The following DACH2 variants were observed in gnomAD, a reference collection of about 807,000 sequenced individuals.
DACH2 encodes dachshund family transcription factor 2, also known as dachshund homolog 2.
A neutral mutation model predicts 35.8 loss-of-function variants in DACH2; 17 were observed. The ratio of observed to expected loss-of-function variants is 0.48; its 90% confidence interval spans 0.33 to 0.71. DACH2 has a LOEUF of 0.71. Ranked by LOEUF, DACH2 falls within the 30% of genes least tolerant of loss-of-function variation. The pLI is 0.02. For missense variants in DACH2, 469 were observed against 472.7 expected (o/e 0.99, Z 0.07); for synonymous variants, 195 against 177.3 (o/e 1.10, Z -0.79).
intron 7 of DACH2, among the ~76,000 whole-genome samples, chrX:86,791,129 T>G (rs753872742): frequency 1.8e-5 from 2 of 111,351 alleles, no homozygotes; most frequent in South Asian, 7.7e-4. Flanking sequence ...AGAGGACTGG[T>G]TAGTCTTGTT....
intron 1 of DACH2, among the ~76,000 whole-genome samples, chrX:86,300,872 TA>T (rs1333905048): frequency 8.9e-6 from 1 of 111,999 alleles, no homozygotes. Context: ...TCCTTTGATT[TA>T]AAAATTATTA....
Position 86,148,889 on chromosome X carries a change from GC to G in DACH2, c.271del (p.Leu91CysfsTer23). ...SFLMDGQELI[C>X]LPQVFDLFLK... ...CTGATGGACGGCCAGGAACTGATCT[GC>G]CTGCCGCAAGTCTTTGATCTTTTTC... On this transcript the variant is annotated frameshift_variant, in exon 1 of 12. Transcript: ENST00000373125. LOFTEE classifies it high-confidence loss of function. 8.3e-7 allele frequency: 1 copy of G among 1,211,260 alleles called. No individual in the cohort carries two copies. Among genetic ancestry groups the G allele is most frequent in the Non-Finnish European group, 1.1e-6 (1 of 895,473 alleles).
chrX:86,639,845 G>T (rs1339830127), intron 3 of DACH2, among the ~76,000 whole-genome samples: 1 of 111,295 alleles, frequency 9.0e-6, no homozygotes, highest in Admixed American at 9.5e-5. Context: ...CCAAAACATG[G>T]TCAGACTGCT....
chrX:86,255,054 C>T (rs1489526138), intron 1 of DACH2, among the ~76,000 whole-genome samples: 3 of 108,666 alleles, frequency 2.8e-5, no homozygotes, highest in Admixed American at 1.0e-4. Flanking sequence ...GGAAAGATTG[C>T]TCTATCACAG....
chrX:86,808,510 G>T (rs5923646), intron 7 of DACH2, among the ~76,000 whole-genome samples: 36,174 of 109,757 alleles, frequency 0.33, 4,841 homozygotes, highest in Middle Eastern at 0.42. Flanking sequence ...AGTCATTGAA[G>T]CTATGTACAC....
intron 2 of DACH2, among the ~76,000 whole-genome samples, chrX:86,443,393 CATTT>C (rs1446831616): frequency 9.0e-6 from 1 of 111,325 alleles, no homozygotes; most frequent in Non-Finnish European, 1.9e-5. Context: ...TTGCTGAAAT[CATTT>C]ATTAGTTTGA....
At chrX:86,532,136 T>C (rs1036566469) in intron 3 of DACH2, among the ~76,000 whole-genome samples, 2 of 112,451 alleles carry the variant, frequency 1.8e-5, no homozygotes, top group African/African-American at 6.5e-5. Context: ...AACTATATTG[T>C]TTTGATTTTA....
chrX:86,725,377 G>C (rs766987000), intron 6 of DACH2, among the ~76,000 whole-genome samples: 25 of 111,466 alleles, frequency 2.2e-4, no homozygotes, highest in Non-Finnish European at 4.1e-4. Flanking sequence ...TTTGACTTTG[G>C]GTGCCCATGG....
intron 2 of DACH2, among the ~76,000 whole-genome samples, chrX:86,390,870 G>A (rs901931574): frequency 9.0e-6 from 1 of 110,843 alleles, no homozygotes; most frequent in Non-Finnish European, 1.9e-5. Context: ...GATTACGGAT[G>A]TGAGCCACCA....
intron 7 of DACH2, among the ~76,000 whole-genome samples, chrX:86,762,640 A>T (rs1240516293): frequency 9.0e-6 from 1 of 111,201 alleles, no homozygotes; most frequent in African/African-American, 3.3e-5. Context: ...AGATGTCAAC[A>T]CTCCACTTTT....
chrX:86,807,981 T>G lies in DACH2; in HGVS notation c.1241-4875T>G, dbSNP rs1040165211. 4.5e-5 allele frequency among the ~76,000 whole-genome samples: 5 copies of G among 111,810 alleles called. No homozygotes were observed. In the East Asian group the frequency reaches 1.4e-3, roughly 32 times the overall value. On this transcript the variant is annotated intron_variant, in intron 7 of 11. Coordinates refer to ENST00000373125, the MANE Select transcript of DACH2 (RefSeq NM_053281.3). ...CACCTAATATCACGTGGAAGTTCTG[T>G]GGGGCTTTAGTCTAAGGACAGTGGG...
chrX:86,484,508 T>G (rs2037990255), intron 2 of DACH2, among the ~76,000 whole-genome samples: 1 of 112,176 alleles, frequency 8.9e-6, no homozygotes, highest in Non-Finnish European at 1.9e-5. Flanking sequence ...CAGCTTAATT[T>G]ATGTGAGCTT....
At chrX:86,473,920 C>T (rs1249037431) in intron 2 of DACH2, among the ~76,000 whole-genome samples, 1 of 111,353 alleles carries the variant, frequency 9.0e-6, no homozygotes, top group Non-Finnish European at 1.9e-5. Context: ...CTCTATTTTT[C>T]ATTTTTTGAG....
intron 2 of DACH2, among the ~76,000 whole-genome samples, chrX:86,485,753 G>A (rs1470615997): frequency 9.0e-6 from 1 of 111,103 alleles, no homozygotes; most frequent in African/African-American, 3.3e-5. Flanking sequence ...AATGAATTAT[G>A]CCTACCTTTT....
At chrX:86,421,109 C>T (rs2036794864) in intron 2 of DACH2, among the ~76,000 whole-genome samples, 1 of 111,637 alleles carries the variant, frequency 9.0e-6, no homozygotes, top group African/African-American at 3.2e-5. Flanking sequence ...TTTTAATATA[C>T]ACGTGTACAC....
intron 1 of DACH2, among the ~76,000 whole-genome samples, chrX:86,286,335 T>C (rs1263712600): frequency 1.8e-5 from 2 of 109,807 alleles, no homozygotes; most frequent in Admixed American, 2.0e-4. Context: ...TTTCACCTTG[T>C]TAGCCAGGTT....
chrX:86,468,047 T>C (rs2037702193), intron 2 of DACH2, among the ~76,000 whole-genome samples: 1 of 111,634 alleles, frequency 9.0e-6, no homozygotes, highest in Non-Finnish European at 1.9e-5. Flanking sequence ...TATTGTTTCA[T>C]GTTATCAGTA....
Position 86,514,350 on chromosome X carries a change from C to T in DACH2, c.599C>T (p.Ala200Val). 1 of 1,211,006 alleles carries T rather than the reference C, an allele frequency of 8.3e-7. No individual in the cohort carries two copies. The highest frequency in any genetic ancestry group is 3.0e-5 in the East Asian group (1 of 33,786). Residue 200 changes from alanine to valine, a missense_variant, in exon 3 of 12, where the codon GCA becomes GTA. Around this residue, in one of 3 missense-constraint regions of DACH2, gnomAD observed 363 missense variants for 334.4 expected, o/e 1.09. Coordinates refer to ENST00000373125, the MANE Select transcript of DACH2 (RefSeq NM_053281.3). ...LQENARLLTH[A>V]VPGLLSPGLI... ...GAAAATGCCCGCCTTCTGACCCATG[C>T]AGTCCCAGGCCTCTTATCGCCAGGA...
At chrX:86,531,343 C>T (rs946112859) in intron 3 of DACH2, among the ~76,000 whole-genome samples, 3 of 111,430 alleles carry the variant, frequency 2.7e-5, no homozygotes, top group Admixed American at 9.5e-5. Flanking sequence ...TTTGCCCCAG[C>T]CCCTCCCATC....
Sources: allele counts gnomAD v4.1 joint callset (sites outside exome capture counted in the v4.1 genomes callset), GRCh38; gene constraint gnomAD v4.1.1; regional missense constraint gnomAD v4.1.1; transcripts MANE v1.5; gene names NCBI Gene and HGNC (gene_info 2026-07-23, HGNC 2026-07-21).